The following TRIM77 variants were observed in gnomAD, a reference collection of about 807,000 sequenced individuals.
TRIM77 encodes tripartite motif containing 77.
Under a neutral mutation model 31.8 loss-of-function variants are expected in TRIM77, and 23 were observed. The observed-to-expected ratio is 0.72, with a 90% CI of 0.52 to 1.02. The LOEUF (loss-of-function observed/expected upper bound fraction) is 1.02. Ranked by LOEUF, TRIM77 falls within the 50% of genes least tolerant of loss-of-function variation. The pLI is 0.00. For synonymous variants in TRIM77, 159 were observed against 183.1 expected (o/e 0.87, Z 1.06); for missense variants, 446 against 539.2 (o/e 0.83, Z 1.71).
Position 89,717,808 on chromosome 11 carries a change from G to T in TRIM77, c.1289G>T (p.Cys430Phe), listed in dbSNP as rs1949173477. The stretch of plus-strand genomic sequence containing the variant: ...AATGTTGCCCAAAGTTCCCTCATTT[G>T]TAGTTTCCTCTCACGCATCTTCTAT... ...FVNVAQSSLICSFLSRIFYFP... is the reference protein window; with the variant it reads ...FVNVAQSSLIFSFLSRIFYFP... The change falls in exon 6 of 6, where the codon TGT becomes TTT. Residue 430 changes from cysteine to phenylalanine, a missense_variant. Transcript: ENST00000398290. 1 of 1,550,618 alleles carries T rather than the reference G, an allele frequency of 6.4e-7. No individual in the cohort carries two copies. Among genetic ancestry groups the T allele is most frequent in the Non-Finnish European group, 8.7e-7 (1 of 1,146,510 alleles).
chr11:89,711,731 A>AAT (rs1201167301), intron 2 of TRIM77, among the ~76,000 whole-genome samples: 7 of 152,194 alleles, frequency 4.6e-5, no homozygotes, highest in Non-Finnish European at 5.9e-5. Context: ...ATCTACCAAT[A>AAT]ATACATCAGC....
intron 2 of TRIM77, among the ~76,000 whole-genome samples, chr11:89,712,268 C>T (rs1949127628): frequency 6.6e-6 from 1 of 152,034 alleles, no homozygotes; most frequent in African/African-American, 2.4e-5. Flanking sequence ...ACAAAAAAAT[C>T]ATGTTGATCA....
chr11:89,717,381 T>C lies in TRIM77; in HGVS notation c.862T>C (p.Tyr288His), dbSNP rs1196795237. ...VSERLNFFRVYITLDRKICSN... is the reference protein window; with the variant it reads ...VSERLNFFRVHITLDRKICSN... ...TTCACTGTTTTCTTTTGCCATAGTGTATATCACCTTGGATCGTAAGATATG... is the reference window on the plus strand; with the variant it reads ...TTCACTGTTTTCTTTTGCCATAGTGCATATCACCTTGGATCGTAAGATATG... Residue 288 changes from tyrosine (Y) to histidine (H), a missense_variant and splice_region_variant, in exon 6 of 6, where the codon TAT (tyrosine) becomes CAT (histidine). Around this residue, in one of 3 missense-constraint regions of TRIM77, gnomAD observed 366 missense variants for 447.9 expected, o/e 0.82. Transcript: ENST00000398290. The C allele has an allele frequency of 3.2e-6, 5 of 1,546,732 alleles. No homozygotes were observed. Among genetic ancestry groups the C allele is most frequent in the Non-Finnish European group, 4.4e-6 (5 of 1,144,544 alleles).
intron 5 of TRIM77, 121 bp from the exon 6 acceptor site, chr11:89,717,258 A>G (rs1280506544): frequency 1.1e-6 from 1 of 914,628 alleles, no homozygotes; most frequent in Non-Finnish European, 1.6e-6. Context: ...AAACAAAACC[A>G]GTTGCTTTTG....
Position 89,717,800 on chromosome 11 carries a change from C to T in TRIM77, c.1281C>T (p.Ser427=). ...IVSFVNVAQS[S]LICSFLSRIF... Reference sequence around the variant, plus strand: ...GCTTTGTTAATGTTGCCCAAAGTTCCCTCATTTGTAGTTTCCTCTCACGCA... The same window carrying T: ...GCTTTGTTAATGTTGCCCAAAGTTCTCTCATTTGTAGTTTCCTCTCACGCA... The change falls in exon 6 of 6, where the codon TCC becomes TCT. Residue 427 remains serine, a synonymous_variant. Coordinates refer to ENST00000398290, the MANE Select transcript of TRIM77 (RefSeq NM_001146162.1). 1.9e-6 allele frequency: 3 copies of T among 1,550,956 alleles called. No homozygotes were observed. The highest frequency in any genetic ancestry group is 2.0e-5 in the Admixed American group (1 of 50,960).
chr11:89,711,575 G>C (rs1422649770), intron 2 of TRIM77, 70 bp downstream of exon 2: 1 of 775,228 alleles, frequency 1.3e-6, no homozygotes, highest in African/African-American at 1.8e-5. Context: ...AGAAGAACTT[G>C]AGTTAACCAT....
At chr11:89,713,864 T>C (rs1329645851) in intron 2 of TRIM77, among the ~76,000 whole-genome samples, 1 of 152,118 alleles carries the variant, frequency 6.6e-6, no homozygotes, top group African/African-American at 2.4e-5. Context: ...AGTAGGAGTA[T>C]TGAGAAAAAT....
At chr11:89,713,271 G>A (rs1166213975) in intron 2 of TRIM77, among the ~76,000 whole-genome samples, 4 of 116,492 alleles carry the variant, frequency 3.4e-5, no homozygotes, top group Non-Finnish European at 5.1e-5. Context: ...GGGAGACTCC[G>A]TCTCAAAAAA....
At chr11:89,713,220 G>A (rs542279918) in intron 2 of TRIM77, among the ~76,000 whole-genome samples, 67 of 146,256 alleles carry the variant, frequency 4.6e-4, no homozygotes, top group Non-Finnish European at 8.1e-4. Flanking sequence ...AGGTTGCAGT[G>A]AGCTGAGATC....
chr11:89,711,054 C>G (rs1949118514), intron 1 of TRIM77, among the ~76,000 whole-genome samples: 1 of 152,114 alleles, frequency 6.6e-6, no homozygotes, highest in Non-Finnish European at 1.5e-5. Flanking sequence ...TGCAATGAAT[C>G]TATTATAGAA....
At chr11:89,713,455 CAATAATAATAAT>C (rs71052248) in intron 2 of TRIM77, among the ~76,000 whole-genome samples, 2,065 of 122,368 alleles carry the variant, frequency 0.017, 32 homozygotes, top group African/African-American at 0.033. Flanking sequence ...GACCTTGTCT[CAATAATAATAAT>C]AATAATAATA....
chr11:89,714,409 T>A lies in TRIM77; in HGVS notation c.725T>A (p.Val242Glu), dbSNP rs1411033698. Residue 242 changes from valine (V) to glutamate (E), a missense_variant, in exon 3 of 6, where the codon GTG (valine) becomes GAG (glutamate). Transcript: ENST00000398290. ...KLKEMSCKAD[V>E]NLPQDLGDVM... The stretch of plus-strand genomic sequence containing the variant: ...AAGGAAATGAGCTGTAAAGCAGATG[T>A]GAACCTGCCTCAGGTAAAAACTGAA... 6.4e-7 allele frequency: 1 copy of A among 1,550,580 alleles called. No homozygotes were observed. Among genetic ancestry groups the A allele is most frequent in the South Asian group, 1.2e-5 (1 of 83,938 alleles).
Position 89,710,621 on chromosome 11 carries a change from G to A in TRIM77, c.323G>A (p.Arg108Lys). Residue 108 changes from arginine to lysine, a missense_variant, in exon 1 of 6, where the codon AGG becomes AAG. Physicochemically the swap from Arg to Lys is conservative, Grantham distance 26. Transcript: ENST00000398290. ...EIKNLICETDRSLLCFLCSQS... is the reference protein window; with the variant it reads ...EIKNLICETDKSLLCFLCSQS... The stretch of plus-strand genomic sequence containing the variant: ...AAGAACCTCATCTGTGAAACTGATA[G>A]GAGCCTGCTGTGTTTTCTATGCTCT... 1.3e-6 allele frequency: 2 copies of A among 1,551,326 alleles called. No homozygotes were observed. Among genetic ancestry groups the A allele is most frequent in the Non-Finnish European group, 1.7e-6 (2 of 1,146,772 alleles).
At chr11:89,710,757 T>A in intron 1 of TRIM77, 48 bp downstream of exon 1, 3 of 1,386,470 alleles carry the variant, frequency 2.2e-6, no homozygotes, top group Non-Finnish European at 2.9e-6. Flanking sequence ...GAACCCTGAA[T>A]CCTACAGGTA....
In TRIM77 at chr11:89,711,382, T is replaced by C. The variant is rs756255554; in HGVS notation, c.412-28T>C. 49 of 1,170,622 alleles carry C rather than the reference T, an allele frequency of 4.2e-5. 1 individual carries two copies. Among genetic ancestry groups the C allele is most frequent in the Admixed American group, 2.5e-4 (9 of 35,438 alleles). The allele number at this position is 1,170,622 out of a possible 1,614,324, so 72.5% of individuals were successfully genotyped here. ...AAATATACTATATTTTCTTTTCTAG[T>C]GCTCAGATTTATAGTTTTGTTTTTC... is the stretch of plus-strand genomic sequence containing the variant. On this transcript the variant is annotated intron_variant, in intron 1 of 5. Coordinates refer to ENST00000398290, the MANE Select transcript of TRIM77 (RefSeq NM_001146162.1).
intron 2 of TRIM77, among the ~76,000 whole-genome samples, 176 bp from the exon 3 acceptor site, chr11:89,714,016 G>T (rs972481838): frequency 6.6e-6 from 1 of 152,094 alleles, no homozygotes. Flanking sequence ...GTGATGCAGG[G>T]AAACGGAAGA....
In TRIM77 at chr11:89,714,240, G is replaced by A. The variant is rs748846948; in HGVS notation, c.556G>A (p.Val186Met). Residue 186 changes from valine to methionine, a missense_variant, in exon 3 of 6, where the codon GTG (valine) becomes ATG (methionine). Val to Met is a conservative substitution (Grantham distance 21). Transcript: ENST00000398290. ...GATGATCAGTGCTGAATATCCTAAGGTGTGTCAATACCTCCGTGAAGAAGA... is the reference window on the plus strand; with the variant it reads ...GATGATCAGTGCTGAATATCCTAAGATGTGTCAATACCTCCGTGAAGAAGA... ...SMMISAEYPK[V>M]CQYLREEEQK... The A allele has an allele frequency of 1.7e-4, 265 of 1,551,560 alleles. No homozygotes were observed. The highest frequency in any genetic ancestry group is 2.2e-4 in the Non-Finnish European group (253 of 1,146,996).
At chr11:89,716,762 G>A (rs1427541815) in intron 5 of TRIM77, among the ~76,000 whole-genome samples, 1 of 152,074 alleles carries the variant, frequency 6.6e-6, no homozygotes, top group Non-Finnish European at 1.5e-5. Flanking sequence ...TCCCATCTTA[G>A]GCAAAGTGGT....
At chr11:89,716,408 T>C (rs1161391789) in intron 5 of TRIM77, among the ~76,000 whole-genome samples, 1 of 152,170 alleles carries the variant, frequency 6.6e-6, no homozygotes, top group Non-Finnish European at 1.5e-5. Flanking sequence ...ATTGAAGTTT[T>C]AAGGAATACA....
Sources: allele counts gnomAD v4.1 joint callset (sites outside exome capture counted in the v4.1 genomes callset), GRCh38; gene constraint gnomAD v4.1.1; regional missense constraint gnomAD v4.1.1; transcripts MANE v1.5; gene names NCBI Gene and HGNC (gene_info 2026-07-23, HGNC 2026-07-21).